MAP7D2: variants seen among roughly 807,000 people sequenced by gnomAD.
MAP7D2 encodes the protein MAP7 domain-containing protein 2.
MAP7D2 carries 33 observed loss-of-function variants against 63.5 expected under a neutral mutation model. The ratio of observed to expected loss-of-function variants is 0.52; its 90% confidence interval spans 0.39 to 0.70. The LOEUF is 0.70. Among genes scored for constraint, MAP7D2 ranks in the 30% least tolerant of loss-of-function variants. MAP7D2 has a pLI of 0.00. For missense variants in MAP7D2, 626 were observed against 604.0 expected, an observed-to-expected ratio of 1.04 and a Z score of -0.38; for synonymous variants, 224 against 223.7, an observed-to-expected ratio of 1.00 and a Z score of -0.01.
intron 1 of MAP7D2, among the ~76,000 whole-genome samples, chrX:20,114,042 T>C (rs1308355121): frequency 9.0e-6 from 1 of 111,660 alleles, no homozygotes; most frequent in Non-Finnish European, 1.9e-5. Flanking sequence ...CCCTATTTTG[T>C]TTTTCTTTCG....
intron 8 of MAP7D2, among the ~76,000 whole-genome samples, chrX:20,037,899 A>G (rs1036540248): frequency 1.8e-5 from 2 of 111,600 alleles, no homozygotes; most frequent in Non-Finnish European, 3.8e-5. Flanking sequence ...TTCTGTGGAC[A>G]CCACTCAGCC....
intron 3 of MAP7D2, among the ~76,000 whole-genome samples, chrX:20,058,884 G>C (rs1438218283): frequency 8.9e-6 from 1 of 112,234 alleles, no homozygotes; most frequent in East Asian, 2.8e-4. Flanking sequence ...GTCCTGAATA[G>C]GTCAGTATTG....
chrX:20,089,898 A>G (rs745858441), intron 1 of MAP7D2, among the ~76,000 whole-genome samples: 89 of 110,585 alleles, frequency 8.0e-4, no homozygotes, highest in African/African-American at 2.8e-3. Flanking sequence ...TGTAACTTAC[A>G]TACTGTAAAG....
At chrX:20,031,215 G>A (rs1273790320) in intron 8 of MAP7D2, among the ~76,000 whole-genome samples, 6 of 109,771 alleles carry the variant, frequency 5.5e-5, no homozygotes, top group Non-Finnish European at 7.6e-5. Flanking sequence ...ACTTGAACCC[G>A]GGAGGCGGAG....
At chrX:20,016,683 G>C (rs2148140293) in intron 10 of MAP7D2, among the ~76,000 whole-genome samples, 1 of 112,075 alleles carries the variant, frequency 8.9e-6, no homozygotes, top group African/African-American at 3.2e-5. Flanking sequence ...TAAAACCTAA[G>C]CAGAATATTT....
At chrX:20,068,847 G>A (rs747500309) in intron 1 of MAP7D2, among the ~76,000 whole-genome samples, 22 of 111,664 alleles carry the variant, frequency 2.0e-4, no homozygotes, top group African/African-American at 7.2e-4. Flanking sequence ...TTCAATCATG[G>A]GGGCAGTATT....
intron 4 of MAP7D2, among the ~76,000 whole-genome samples, chrX:20,053,602 C>G (rs1040015002): frequency 9.0e-6 from 1 of 111,228 alleles, no homozygotes; most frequent in African/African-American, 3.3e-5. Flanking sequence ...AACAGGCGAC[C>G]CTGAGTTTGG....
At chrX:20,023,839 AAAACAAAC>A (rs898638325) in intron 10 of MAP7D2, among the ~76,000 whole-genome samples, 1 of 111,418 alleles carries the variant, frequency 9.0e-6, no homozygotes, top group African/African-American at 3.3e-5. Flanking sequence ...GCCACTCGAC[AAAACAAAC>A]AAACAAACAA....
chrX:20,029,415 G>A (rs183245853), intron 8 of MAP7D2, among the ~76,000 whole-genome samples: 6 of 112,301 alleles, frequency 5.3e-5, no homozygotes, highest in African/African-American at 1.9e-4. Context: ...GGAAATGCAG[G>A]ACAAGATCCT....
chrX:20,038,231 C>T (rs958578217), intron 8 of MAP7D2, among the ~76,000 whole-genome samples: 9 of 111,960 alleles, frequency 8.0e-5, no homozygotes, highest in Admixed American at 5.7e-4. Flanking sequence ...CTATCCTGCA[C>T]GCAATGCTTC....
chrX:20,054,014 T>C (rs994422222), intron 4 of MAP7D2, among the ~76,000 whole-genome samples: 1 of 111,526 alleles, frequency 9.0e-6, no homozygotes, highest in Non-Finnish European at 1.9e-5. Context: ...CAGCTAATTT[T>C]TGTATTTTTA....
At chrX:20,073,472 G>A (rs1055855281) in intron 1 of MAP7D2, among the ~76,000 whole-genome samples, 5 of 110,328 alleles carry the variant, frequency 4.5e-5, no homozygotes, top group Non-Finnish European at 9.5e-5. Context: ...AGAACTTCCC[G>A]TATAATAAAT....
At chrX:20,063,852 G>A (rs2065282979) in intron 2 of MAP7D2, among the ~76,000 whole-genome samples, 2 of 112,328 alleles carry the variant, frequency 1.8e-5, no homozygotes, top group South Asian at 3.7e-4. Flanking sequence ...TGAACAAGAT[G>A]ATGACCGTGA....
chrX:20,076,756 T>C (rs2065654585), intron 1 of MAP7D2, among the ~76,000 whole-genome samples: 1 of 110,368 alleles, frequency 9.1e-6, no homozygotes, highest in Non-Finnish European at 1.9e-5. Context: ...AAGAAAGAAG[T>C]GGAGAAATAG....
intron 8 of MAP7D2, among the ~76,000 whole-genome samples, chrX:20,031,649 C>T (rs2074055865): frequency 9.1e-6 from 1 of 110,277 alleles, no homozygotes; most frequent in Non-Finnish European, 1.9e-5. Flanking sequence ...CCCCTGTAAT[C>T]CCAGCTACTC....
Position 20,056,853 on chromosome X carries a change from T to A in MAP7D2, c.373-62A>T, listed in dbSNP as rs1353845046. The A allele has an allele frequency of 8.7e-6, 9 of 1,039,347 alleles. 1 individual carries two copies. In the East Asian group the frequency reaches 2.8e-4, roughly 32 times the overall value. The allele number at this position is 1,039,347 out of a possible 1,213,427, so 85.7% of individuals were successfully genotyped here. A position where few individuals can be genotyped will look rare whatever the true frequency, so the allele number is the denominator to read the frequency against. ...AACTACCCAGCCCCACCACACTACC[T>A]GCTGCCTCAGTGCACAGTGTGAGTC... is the stretch of plus-strand genomic sequence containing the variant. On this transcript the variant is annotated intron_variant, in intron 3 of 16. Coordinates refer to ENST00000379643, the MANE Select transcript of MAP7D2 (RefSeq NM_001168465.2).
At chrX:20,100,742 C>A (rs970314667) in intron 1 of MAP7D2, among the ~76,000 whole-genome samples, 1 of 111,503 alleles carries the variant, frequency 9.0e-6, no homozygotes, top group Non-Finnish European at 1.9e-5. Context: ...GAAAAGACAA[C>A]CGGGCGTGGT....
Position 20,012,549 on chromosome X carries a change from C to A in MAP7D2, c.1886-14G>T. The A allele has an allele frequency of 1.7e-6, 2 of 1,150,600 alleles. No individual in the cohort carries two copies. Among genetic ancestry groups the A allele is most frequent in the Non-Finnish European group, 2.3e-6 (2 of 859,678 alleles). The allele number at this position is 1,150,600 out of a possible 1,213,427, so 94.8% of individuals were successfully genotyped here. A position where few individuals can be genotyped will look rare whatever the true frequency, so the allele number is the denominator to read the frequency against. The stretch of plus-strand genomic sequence containing the variant: ...ATCCATTGATTTCTGATCGAGAACA[C>A]AAAGTCCCTTGTGTTAATCATAAAA... On this transcript the variant is annotated splice_polypyrimidine_tract_variant and intron_variant, in intron 14 of 16. Coordinates refer to ENST00000379643, the MANE Select transcript of MAP7D2 (RefSeq NM_001168465.2).
intron 1 of MAP7D2, among the ~76,000 whole-genome samples, chrX:20,084,725 C>A (rs1427464094): frequency 9.1e-6 from 1 of 109,915 alleles, no homozygotes; most frequent in African/African-American, 3.3e-5. Flanking sequence ...CGCACCACCA[C>A]GCCCAGCTAA....
Sources: allele counts gnomAD v4.1 joint callset (sites outside exome capture counted in the v4.1 genomes callset), GRCh38; gene constraint gnomAD v4.1.1; transcripts MANE v1.5; gene names NCBI Gene and HGNC (gene_info 2026-07-23, HGNC 2026-07-21).